NALF1: variants seen among roughly 807,000 people sequenced by gnomAD.
NALF1 encodes the protein NALCN channel auxiliary factor 1.
NALF1 carries 3 observed loss-of-function variants against 48.4 expected under a neutral mutation model. The observed-to-expected ratio is 0.06, with a 90% confidence interval of 0.03 to 0.16. The LOEUF (loss-of-function observed/expected upper bound fraction) is 0.16. NALF1 is among the 10% of genes least tolerant of loss of function. The pLI, the probability that NALF1 is intolerant of heterozygous loss-of-function variation, is 1.00. For missense variants in NALF1, 526 were observed against 571.5 expected, an observed-to-expected ratio of 0.92 and a Z score of 0.81; for synonymous variants, 262 against 245.7, an observed-to-expected ratio of 1.07 and a Z score of -0.62.
chr13:107,351,176 C>A (rs1469438844), intron 1 of NALF1, among the ~76,000 whole-genome samples: 2 of 152,116 alleles, frequency 1.3e-5, no homozygotes, highest in African/African-American at 4.8e-5. Flanking sequence ...TTATGCAATA[C>A]GCGTCTCTGA....
At chr13:107,555,280 AATT>A (rs1877428120) in intron 1 of NALF1, among the ~76,000 whole-genome samples, 4 of 151,448 alleles carry the variant, frequency 2.6e-5, no homozygotes, top group Admixed American at 6.6e-5. Flanking sequence ...TTAATTAATT[AATT>A]AATTTTGAGA....
chr13:107,341,605 T>C (rs764651762), intron 1 of NALF1, among the ~76,000 whole-genome samples: 72 of 151,770 alleles, frequency 4.7e-4, no homozygotes, highest in Non-Finnish European at 8.7e-4. Context: ...ATAATACATA[T>C]ACATATATAA....
At chr13:107,801,822 G>A (rs73585691) in intron 1 of NALF1, among the ~76,000 whole-genome samples, 2,306 of 152,096 alleles carry the variant, frequency 0.015, 51 homozygotes, top group African/African-American at 0.052. Context: ...ACAGCCTTCC[G>A]AGTCGCCTTC....
At chr13:107,586,635 A>ATTTTTTTTTTTTTTTTTTTTTTTTT (rs61429641) in intron 1 of NALF1, among the ~76,000 whole-genome samples, 1,675 of 92,982 alleles carry the variant, frequency 0.018, 390 homozygotes, top group Middle Eastern at 0.027. Context: ...CCCTATGGAG[A>ATTTTTTTTTTTTTTTTTTTTTTTTT]TTTTTTTTTT....
chr13:107,392,438 C>A (rs576637539), intron 1 of NALF1, among the ~76,000 whole-genome samples: 5 of 152,220 alleles, frequency 3.3e-5, no homozygotes, highest in Admixed American at 3.3e-4. Flanking sequence ...CTCATGCATC[C>A]TTTTCCTAAC....
intron 1 of NALF1, among the ~76,000 whole-genome samples, chr13:107,633,040 G>A (rs1196040955): frequency 2.6e-5 from 4 of 151,986 alleles, no homozygotes; most frequent in Admixed American, 2.0e-4. Context: ...AGAGAGAATA[G>A]TTGGTCTGGT....
chr13:107,863,587 A>G (rs1195553426), intron 1 of NALF1, among the ~76,000 whole-genome samples: 1 of 152,212 alleles, frequency 6.6e-6, no homozygotes, highest in Non-Finnish European at 1.5e-5. Flanking sequence ...GTCTGCATTT[A>G]CTTATCAAGG....
intron 1 of NALF1, among the ~76,000 whole-genome samples, chr13:107,429,174 T>G (rs1185094404): frequency 1.3e-5 from 2 of 151,894 alleles, no homozygotes; most frequent in East Asian, 3.9e-4. Flanking sequence ...AATATAAAAT[T>G]AGCCGGGCGT....
chr13:107,819,024 TTCTTTC>T (rs1879274068), intron 1 of NALF1, among the ~76,000 whole-genome samples: 1 of 147,354 alleles, frequency 6.8e-6, no homozygotes, highest in African/African-American at 2.5e-5. Flanking sequence ...CTGGATTATT[TTCTTTC>T]TGTTTCCCAT....
At chr13:107,408,932 A>AT in intron 1 of NALF1, among the ~76,000 whole-genome samples, 1 of 152,314 alleles carries the variant, frequency 6.6e-6, no homozygotes, top group African/African-American at 2.4e-5. Flanking sequence ...AAAATGTACC[A>AT]ACTATTTATA....
At chr13:107,283,794 G>A (rs931750916) in intron 1 of NALF1, among the ~76,000 whole-genome samples, 7 of 151,664 alleles carry the variant, frequency 4.6e-5, no homozygotes, top group African/African-American at 1.7e-4. Context: ...TGAGTAGCTC[G>A]GACTACAGGC....
intron 1 of NALF1, among the ~76,000 whole-genome samples, chr13:107,574,374 T>A (rs557304449): frequency 6.6e-6 from 1 of 152,292 alleles, no homozygotes; most frequent in African/African-American, 2.4e-5. Flanking sequence ...TGTTCACTTG[T>A]TTGTTGCCTA....
intron 1 of NALF1, among the ~76,000 whole-genome samples, chr13:107,763,029 T>A (rs563529398): frequency 1.3e-5 from 2 of 149,042 alleles, no homozygotes; most frequent in Non-Finnish European, 3.0e-5. Context: ...AATGCACACA[T>A]CTGTTTGATA....
At chr13:107,507,109 G>A (rs189863265) in intron 1 of NALF1, among the ~76,000 whole-genome samples, 1 of 152,170 alleles carries the variant, frequency 6.6e-6, no homozygotes, top group Admixed American at 6.6e-5. Flanking sequence ...AAAAACACAA[G>A]TACTCTTCAT....
chr13:107,399,459 C>CACAA (rs1210234167), intron 1 of NALF1, among the ~76,000 whole-genome samples: 1 of 151,878 alleles, frequency 6.6e-6, no homozygotes, highest in Admixed American at 6.6e-5. Context: ...TTCACGTACA[C>CACAA]ACACACACAG....
At chr13:107,329,193 T>G (rs1882421583) in intron 1 of NALF1, among the ~76,000 whole-genome samples, 1 of 152,168 alleles carries the variant, frequency 6.6e-6, no homozygotes, top group Non-Finnish European at 1.5e-5. Flanking sequence ...AAACATAAAA[T>G]TTTTAGGAAC....
chr13:107,867,287 C>G lies in NALF1; in HGVS notation c.-691G>C, dbSNP rs1299417420. On this transcript the variant is annotated 5_prime_UTR_variant, in exon 1 of 3. Transcript: ENST00000375915. This position sits in a 1 kb window ranked among gnomAD's most constrained non-coding sequence, Gnocchi z 4.4. The stretch of plus-strand genomic sequence containing the variant: ...GGCGCTCCCTCCCCCCCACCCCCCA[C>G]CCCGCGCTCTAAGTGCTGCCGCCGC... Among the ~76,000 whole-genome samples the G allele has an allele frequency of 1.1e-5, 1 of 93,078 alleles. No individual in the cohort carries two copies. The highest frequency in any genetic ancestry group is 3.7e-4 in the East Asian group (1 of 2,714). The allele number at this position is 93,078 out of a possible 152,430, so 61.1% of individuals were successfully genotyped here.
intron 1 of NALF1, among the ~76,000 whole-genome samples, chr13:107,684,754 C>G (rs1367521973): frequency 6.6e-6 from 1 of 152,162 alleles, no homozygotes; most frequent in Non-Finnish European, 1.5e-5. Context: ...TTTGGGAAAA[C>G]TCAGTACTTA....
At chr13:107,855,819 T>C (rs1880428456) in intron 1 of NALF1, among the ~76,000 whole-genome samples, 1 of 152,224 alleles carries the variant, frequency 6.6e-6, no homozygotes, top group Non-Finnish European at 1.5e-5. Flanking sequence ...GCCCATGATG[T>C]TGAATTTTTG....
Sources: gnomAD v4.1 joint callset for allele counts (sites outside exome capture counted in the v4.1 genomes callset) on GRCh38, gnomAD v4.1.1 for gene constraint, Gnocchi (gnomAD v3.1) non-coding constraint, MANE v1.5 for transcripts, NCBI Gene and HGNC (gene_info 2026-07-23, HGNC 2026-07-21) for gene names.